FOXO3: variants seen among roughly 807,000 people sequenced by gnomAD.
FOXO3 encodes the protein forkhead box O3.
A neutral mutation model predicts 41.9 loss-of-function variants in FOXO3; 4 were observed. That is an observed-to-expected ratio of 0.10 (90% CI 0.05 to 0.22). The LOEUF (loss-of-function observed/expected upper bound fraction) is 0.22. Among genes scored for constraint, FOXO3 ranks in the 10% least tolerant of loss-of-function variants. The pLI is 1.00. For synonymous variants in FOXO3, 318 were observed against 389.3 expected (o/e 0.82, Z 2.16); for missense variants, 534 against 906.8 (o/e 0.59, Z 5.28).
chr6:108,640,568 T>C (rs556206133), intron 1 of FOXO3, among the ~76,000 whole-genome samples: 1 of 152,360 alleles, frequency 6.6e-6, no homozygotes, highest in South Asian at 2.1e-4. Flanking sequence ...TTAAAGTGTT[T>C]TTTTAATGCA....
At chr6:108,615,050 CTTA>C (rs1259882591) in intron 1 of FOXO3, among the ~76,000 whole-genome samples, 1 of 152,060 alleles carries the variant, frequency 6.6e-6, no homozygotes, top group Non-Finnish European at 1.5e-5. Context: ...CCACTTCTCC[CTTA>C]TTATTCTTAG....
intron 1 of FOXO3, among the ~76,000 whole-genome samples, chr6:108,633,335 A>ATG (rs1242417503): frequency 1.3e-5 from 2 of 151,758 alleles, no homozygotes; most frequent in Admixed American, 1.3e-4. Flanking sequence ...GTGTGTGTGT[A>ATG]TGTGTGTGTG....
At chr6:108,654,664 G>A (rs1164701154) in intron 1 of FOXO3, among the ~76,000 whole-genome samples, 1 of 151,938 alleles carries the variant, frequency 6.6e-6, no homozygotes, top group African/African-American at 2.4e-5. Flanking sequence ...GCAGTTTAAC[G>A]GGAAATCTTG....
chr6:108,574,152 CAAAAA>C (rs1200932714), intron 1 of FOXO3, among the ~76,000 whole-genome samples: 2 of 72,794 alleles, frequency 2.7e-5, no homozygotes, highest in East Asian at 4.1e-4. Flanking sequence ...GACTCTGTCT[CAAAAA>C]AAAAAAAAAA....
intron 1 of FOXO3, among the ~76,000 whole-genome samples, chr6:108,657,411 T>C (rs1453997728): frequency 6.6e-6 from 1 of 152,220 alleles, no homozygotes; most frequent in Non-Finnish European, 1.5e-5. Context: ...CTTTAGTGAG[T>C]AACTGTGACA....
chr6:108,630,590 T>C (rs1039934567), intron 1 of FOXO3, among the ~76,000 whole-genome samples: 5 of 152,152 alleles, frequency 3.3e-5, no homozygotes, highest in Non-Finnish European at 7.3e-5. Context: ...AGAAGGAAGC[T>C]TTGCCTATCC....
At chr6:108,676,208 T>C (rs1301236413) in intron 2 of FOXO3, among the ~76,000 whole-genome samples, 1 of 152,234 alleles carries the variant, frequency 6.6e-6, no homozygotes, top group African/African-American at 2.4e-5. Flanking sequence ...TCTTCCCTTA[T>C]TAATGAAAGT....
chr6:108,615,682 T>C (rs1777480045), intron 1 of FOXO3, among the ~76,000 whole-genome samples: 1 of 152,042 alleles, frequency 6.6e-6, no homozygotes, highest in Non-Finnish European at 1.5e-5. Context: ...CCCTCTTTCC[T>C]CTTCTTTTAT....
chr6:108,653,401 G>A (rs928001857), intron 1 of FOXO3, among the ~76,000 whole-genome samples: 3 of 152,172 alleles, frequency 2.0e-5, no homozygotes, highest in Admixed American at 6.5e-5. Context: ...CTATTAGTGT[G>A]CTAATCCAGA....
At position 108,626,497 on chromosome 6, in the gene FOXO3, G is replaced by C. The variant is rs557883688; in HGVS notation, c.622-36958G>C. ...AGAGACAGGCAGGTTGTTGATTTTTGAGATGAAGAACAACTATCTGGCCAG... is the reference window on the plus strand; with the variant it reads ...AGAGACAGGCAGGTTGTTGATTTTTCAGATGAAGAACAACTATCTGGCCAG... On this transcript the variant is annotated intron_variant, in intron 1 of 2. Transcript: ENST00000406360. Among the ~76,000 whole-genome samples the C allele has an allele frequency of 4.6e-5, 7 of 152,270 alleles. No individual in the cohort carries two copies. In the East Asian group the frequency reaches 1.2e-3, roughly 25 times the overall value.
intron 1 of FOXO3, among the ~76,000 whole-genome samples, chr6:108,634,669 T>A (rs1304815163): frequency 1.3e-5 from 2 of 151,958 alleles, no homozygotes; most frequent in African/African-American, 4.8e-5. Context: ...GATTAGAGGG[T>A]CAGGAGGGGA....
At chr6:108,568,823 T>A (rs1486736200) in intron 1 of FOXO3, among the ~76,000 whole-genome samples, 1 of 152,188 alleles carries the variant, frequency 6.6e-6, no homozygotes, top group Non-Finnish European at 1.5e-5. Context: ...CTGGGGTTTC[T>A]TGCAGTGCCT....
chr6:108,560,832 C>G, upstream of FOXO3: 1 of 540,950 alleles, frequency 1.8e-6, no homozygotes, highest in Non-Finnish European at 2.8e-6. Flanking sequence ...CGGGAGGGAC[C>G]TGCGGCTGGG....
chr6:108,620,288 C>G (rs1336135120), intron 1 of FOXO3, among the ~76,000 whole-genome samples: 1 of 152,184 alleles, frequency 6.6e-6, no homozygotes, highest in Non-Finnish European at 1.5e-5. Context: ...TTTGTTTTTA[C>G]ATGTGGATCA....
intron 1 of FOXO3, among the ~76,000 whole-genome samples, chr6:108,662,193 G>A (rs1778886230): frequency 6.6e-6 from 1 of 152,112 alleles, no homozygotes; most frequent in African/African-American, 2.4e-5. Context: ...TAATTGAAAT[G>A]TGTCTGATGT....
In FOXO3 at chr6:108,580,183, A is replaced by ATTTTT. The variant is rs11395032; in HGVS notation, c.621+18373_621+18377dup. Among the ~76,000 whole-genome samples, 127 of 93,070 alleles carry ATTTTT rather than the reference A, an allele frequency of 1.4e-3. 3 individuals are homozygous for ATTTTT. The highest frequency in any genetic ancestry group is 1.7e-3 in the Non-Finnish European group (89 of 51,992). 61.1% of individuals were successfully genotyped at this position (93,070 alleles called of 152,430 possible). A position where few individuals can be genotyped will look rare whatever the true frequency, so the allele number is the denominator to read the frequency against. On this transcript the variant is annotated intron_variant, in intron 1 of 2. Coordinates refer to ENST00000406360, the MANE Select transcript of FOXO3 (RefSeq NM_001455.4). ...GCTTTATGAGTATTAGCTCTTCTTCATTTTTTTTTTTTTTTTTTTTTTTGA... is the reference window on the plus strand; with the variant it reads ...GCTTTATGAGTATTAGCTCTTCTTCATTTTTTTTTTTTTTTTTTTTTTTTTTTTGA...
intron 2 of FOXO3, among the ~76,000 whole-genome samples, chr6:108,678,890 T>TTTTTTTTTTTTTC (rs368405598): frequency 2.2e-4 from 25 of 115,410 alleles, no homozygotes; most frequent in Non-Finnish European, 3.8e-4. Flanking sequence ...TTTTTTTTTT[T>TTTTTTTTTTTTTC]TGAGACGGAG....
At chr6:108,672,087 T>C (rs1779230812) in intron 2 of FOXO3, among the ~76,000 whole-genome samples, 2 of 152,194 alleles carry the variant, frequency 1.3e-5, no homozygotes, top group South Asian at 4.1e-4. Flanking sequence ...GCCTCAAGCC[T>C]GAGCCTCTCC....
At chr6:108,594,382 A>C (rs866274088) in intron 1 of FOXO3, among the ~76,000 whole-genome samples, 2 of 152,264 alleles carry the variant, frequency 1.3e-5, no homozygotes, top group South Asian at 4.1e-4. Context: ...AGCCAAATAA[A>C]GAAAACAAAA....
Sources: gnomAD v4.1 joint callset for allele counts (sites outside exome capture counted in the v4.1 genomes callset) on GRCh38, gnomAD v4.1.1 for gene constraint, MANE v1.5 for transcripts, NCBI Gene and HGNC (gene_info 2026-07-23, HGNC 2026-07-21) for gene names.